Variants in RNF11 observed in about 807,000 individuals in gnomAD.
The protein encoded by RNF11 is ring finger protein 11.
RNF11 carries 4 observed loss-of-function variants against 15.8 expected under a neutral mutation model. That is an observed-to-expected ratio of 0.25 (90% CI 0.12 to 0.58). The LOEUF is 0.58. Among genes scored for constraint, RNF11 ranks in the 20% least tolerant of loss-of-function variants. RNF11 has a pLI of 0.91. For missense variants in RNF11, 139 were observed against 194.4 expected (o/e 0.71, Z 1.70); for synonymous variants, 68 against 72.3 (o/e 0.94, Z 0.30).
chr1:51,259,988 T>G (rs1256369100), intron 1 of RNF11, among the ~76,000 whole-genome samples: 4 of 152,226 alleles, frequency 2.6e-5, no homozygotes. Context: ...GATATTACTT[T>G]GTGGATTGTT....
At chr1:51,246,102 C>A (rs1557677767) in intron 1 of RNF11, among the ~76,000 whole-genome samples, 2 of 152,078 alleles carry the variant, frequency 1.3e-5, no homozygotes, top group Non-Finnish European at 2.9e-5. Context: ...CCCGTCTCTA[C>A]TAAAAATGCA....
At chr1:51,252,172 TC>T (rs1646882042) in intron 1 of RNF11, among the ~76,000 whole-genome samples, 1 of 152,100 alleles carries the variant, frequency 6.6e-6, no homozygotes, top group East Asian at 1.9e-4. Context: ...TTCCTAATAT[TC>T]TTTTCTCTGG....
chr1:51,241,824 G>T (rs566764006), intron 1 of RNF11, among the ~76,000 whole-genome samples: 13 of 152,308 alleles, frequency 8.5e-5, no homozygotes, highest in African/African-American at 2.9e-4. Context: ...GTCCATGAGA[G>T]GGGGAGGCCA....
At chr1:51,264,287 A>AATATATATATATATATATATAT (rs1162466435) in intron 1 of RNF11, among the ~76,000 whole-genome samples, 2 of 32,532 alleles carry the variant, frequency 6.1e-5, no homozygotes, top group Admixed American at 5.9e-4. Context: ...AAAAAAAAAA[A>AATATATATATATATATATATAT]ATATATATAT....
chr1:51,252,081 C>CAAAAAAAAAAAAAAA (rs928146865), intron 1 of RNF11, among the ~76,000 whole-genome samples: 2 of 53,634 alleles, frequency 3.7e-5, no homozygotes, highest in Non-Finnish European at 7.2e-5. Context: ...CATCTCAAAG[C>CAAAAAAAAAAAAAAA]AAAAAAAAAA....
chr1:51,253,279 C>T (rs1468489926), intron 1 of RNF11, among the ~76,000 whole-genome samples: 1 of 152,028 alleles, frequency 6.6e-6, no homozygotes, highest in Admixed American at 6.6e-5. Context: ...GATTTCAGTG[C>T]TTTGGGATGC....
intron 1 of RNF11, among the ~76,000 whole-genome samples, chr1:51,257,985 C>T (rs573713440): frequency 1.3e-4 from 20 of 151,126 alleles, no homozygotes; most frequent in African/African-American, 4.9e-4. Flanking sequence ...TCCCGAGTAG[C>T]TGGGATTATA....
At chr1:51,261,639 A>G (rs529687694) in intron 1 of RNF11, among the ~76,000 whole-genome samples, 15 of 151,912 alleles carry the variant, frequency 9.9e-5, no homozygotes, top group Middle Eastern at 3.4e-3. Context: ...TCCCAGGTTC[A>G]AGTGATTCTC....
chr1:51,253,870 A>G (rs907453718), intron 1 of RNF11, among the ~76,000 whole-genome samples: 19 of 152,090 alleles, frequency 1.2e-4, no homozygotes, highest in Admixed American at 1.2e-3. Context: ...ACAATGACTC[A>G]TGCCTGTAAT....
chr1:51,250,486 T>C, intron 1 of RNF11: 1 of 496,200 alleles, frequency 2.0e-6, no homozygotes, highest in Non-Finnish European at 3.6e-6. Context: ...ATAGCGTGGG[T>C]CCACTTACAG....
At chr1:51,248,063 G>A (rs1569659742) in intron 1 of RNF11, among the ~76,000 whole-genome samples, 1 of 149,544 alleles carries the variant, frequency 6.7e-6, no homozygotes, top group South Asian at 2.1e-4. Flanking sequence ...GGCCTTAAGG[G>A]TAAGAAATAC....
At chr1:51,242,153 G>T (rs143997476) in intron 1 of RNF11, among the ~76,000 whole-genome samples, 286 of 152,230 alleles carry the variant, frequency 1.9e-3, no homozygotes, top group African/African-American at 6.5e-3. Flanking sequence ...GTATAGCTCT[G>T]CTTTTAGAGT....
At chr1:51,261,471 T>C (rs1314398673) in intron 1 of RNF11, among the ~76,000 whole-genome samples, 1 of 152,226 alleles carries the variant, frequency 6.6e-6, no homozygotes, top group Admixed American at 6.5e-5. Flanking sequence ...GTATGTGGTA[T>C]TGTAATTCAG....
intron 1 of RNF11, among the ~76,000 whole-genome samples, chr1:51,260,801 A>G (rs1294022593): frequency 6.6e-6 from 1 of 152,148 alleles, no homozygotes; most frequent in East Asian, 1.9e-4. Context: ...TCATCACAGT[A>G]TTTTCTAGCA....
chr1:51,252,441 T>C (rs1413644335), intron 1 of RNF11, among the ~76,000 whole-genome samples: 2 of 151,918 alleles, frequency 1.3e-5, no homozygotes, highest in Non-Finnish European at 2.9e-5. Context: ...ACAGCAAAAC[T>C]CTGTTTCTAT....
intron 1 of RNF11, among the ~76,000 whole-genome samples, chr1:51,246,438 G>T (rs1485672686): frequency 6.6e-6 from 1 of 152,136 alleles, no homozygotes; most frequent in African/African-American, 2.4e-5. Flanking sequence ...AGTCAGGTGT[G>T]TTGGCACATG....
chr1:51,250,563 C>G, intron 1 of RNF11: 1 of 550,914 alleles, frequency 1.8e-6, no homozygotes, highest in Non-Finnish European at 3.2e-6. Context: ...TTTTTTTTTA[C>G]GCTTAATTCG....
At chr1:51,248,829 A>G (rs1646864393) in intron 1 of RNF11, among the ~76,000 whole-genome samples, 1 of 152,180 alleles carries the variant, frequency 6.6e-6, no homozygotes, top group South Asian at 2.1e-4. Context: ...CTTGGAGTCA[A>G]AAAGATAGCC....
intron 1 of RNF11, among the ~76,000 whole-genome samples, chr1:51,243,630 G>A (rs112921637): frequency 0.021 from 3,201 of 152,146 alleles, 94 homozygotes; most frequent in African/African-American, 0.065. Context: ...ATAGAAATGG[G>A]GTTTCACCAT....
Sources: allele counts gnomAD v4.1 joint callset (sites outside exome capture counted in the v4.1 genomes callset), GRCh38; gene constraint gnomAD v4.1.1; transcripts MANE v1.5; gene names NCBI Gene and HGNC (gene_info 2026-07-23, HGNC 2026-07-21).